CTSW: variants seen among roughly 807,000 people sequenced by gnomAD.
CTSW encodes lymphopain.
A neutral mutation model predicts 43.8 loss-of-function variants in CTSW; 42 were observed. The ratio of observed to expected loss-of-function variants is 0.96; its 90% CI spans 0.75 to 1.24. The LOEUF is 1.24. CTSW is among the 50% of genes most tolerant of loss of function. The pLI is 0.00. For missense variants in CTSW, 475 were observed against 479.9 expected, an observed-to-expected ratio of 0.99 and a Z score of 0.09; for synonymous variants, 191 against 184.8, an observed-to-expected ratio of 1.03 and a Z score of -0.27.
At position 65,882,441 on chromosome 11, in the gene CTSW, C is replaced by G; in HGVS notation, c.453C>G (p.Asn151Lys). ...ISPIKDQKNC[N>K]CCWAMAAAGN... Reference sequence around the variant, plus strand: ...CTCTCGCCCTCCAGAAAAACTGCAACTGCTGCTGGGCCATGGCAGCGGCAG... The same window carrying G: ...CTCTCGCCCTCCAGAAAAACTGCAAGTGCTGCTGGGCCATGGCAGCGGCAG... The change falls in exon 5 of 10, where the codon AAC becomes AAG. Residue 151 changes from asparagine (N) to lysine (K), a missense_variant. Physicochemically the swap from Asn to Lys is moderately conservative, Grantham distance 94 (BLOSUM62 0). Coordinates refer to ENST00000307886, the MANE Select transcript of CTSW (RefSeq NM_001335.4). 3.1e-6 allele frequency: 5 copies of G among 1,614,222 alleles called. No individual in the cohort carries two copies. The highest frequency in any genetic ancestry group is 3.4e-6 in the Non-Finnish European group (4 of 1,180,038).
intron 1 of CTSW, 52 bp downstream of exon 1, chr11:65,879,993 C>T: frequency 6.7e-7 from 1 of 1,483,842 alleles, no homozygotes; most frequent in Non-Finnish European, 9.3e-7. Flanking sequence ...GGGGTCACCC[C>T]TTCAGAAACA....
chr11:65,880,865 G>A (rs1229821865), intron 2 of CTSW, among the ~76,000 whole-genome samples: 2 of 152,166 alleles, frequency 1.3e-5, no homozygotes, highest in African/African-American at 4.8e-5. Context: ...AGTGGACAGG[G>A]GGCCACCACC....
chr11:65,881,613 C>A, intron 3 of CTSW, 93 bp downstream of exon 3: 2 of 818,434 alleles, frequency 2.4e-6, no homozygotes, highest in Non-Finnish European at 3.9e-6. Flanking sequence ...TCAATTTTTA[C>A]TTCCCAGGGA....
At chr11:65,882,720 C>A in intron 6 of CTSW, 31 bp downstream of exon 6, 9 of 1,614,232 alleles carry the variant, frequency 5.6e-6, no homozygotes, top group Non-Finnish European at 7.6e-6. Context: ...CTCTGGACAT[C>A]TGCAGGGGGA....
chr11:65,881,405 A>G lies in CTSW; in HGVS notation c.173-2A>G, dbSNP rs756238303. The G allele has an allele frequency of 7.5e-6, 12 of 1,590,308 alleles. 1 individual carries two copies. The South Asian group carries it at 1.4e-4, about 18-fold the overall frequency. Reference sequence around the variant, plus strand: ...GCCTAGGACAACTCCCTTTTGGTCCAGAGCATGCTCACCGCCTGGACATCT... The same window carrying G: ...GCCTAGGACAACTCCCTTTTGGTCCGGAGCATGCTCACCGCCTGGACATCT... On this transcript the variant is annotated splice_acceptor_variant, in intron 2 of 9. Coordinates refer to ENST00000307886, the MANE Select transcript of CTSW (RefSeq NM_001335.4). LOFTEE classifies it high-confidence loss of function.
chr11:65,880,219 G>A lies in CTSW; in HGVS notation c.105G>A (p.Pro35=), dbSNP rs559592357. The part of the protein sequence containing the change: ...PLRAQDLGPQ[P]LELKEAFKLF... ...CTTGCCAGGACCTAGGTCCCCAGCC[G>A]CTAGAGCTGAAAGAGGCCTTCAAGT... The change falls in exon 2 of 10, where the codon CCG becomes CCA. Residue 35 remains proline, a synonymous_variant. Coordinates refer to ENST00000307886, the MANE Select transcript of CTSW (RefSeq NM_001335.4). 1.1e-5 allele frequency: 18 copies of A among 1,614,026 alleles called. No individual in the cohort carries two copies. The highest frequency in any genetic ancestry group is 4.4e-5 in the South Asian group (4 of 91,064).
Position 65,882,357 on chromosome 11 carries a change from A to G in CTSW, c.441+28A>G, listed in dbSNP as rs755879940. On this transcript the variant is annotated intron_variant, in intron 4 of 9. Transcript: ENST00000307886. ...ATCTGCCGCTACCCAGCTGGCTCTAATTCAGCTAAGTGGTGGGAGGGAGAG... is the reference window on the plus strand; with the variant it reads ...ATCTGCCGCTACCCAGCTGGCTCTAGTTCAGCTAAGTGGTGGGAGGGAGAG... 5 of 1,613,968 alleles carry G rather than the reference A, an allele frequency of 3.1e-6. No homozygotes were observed. The East Asian group carries it at 8.9e-5, about 29-fold the overall frequency.
Position 65,882,863 on chromosome 11 carries a change from C to T in CTSW, c.704C>T (p.Ala235Val). ...CACCCCAAGAAGTACCAGAAGGTGG[C>T]CTGGATCCAGGACTTCATCATGCTG... is the stretch of plus-strand genomic sequence containing the variant. ...RCHPKKYQKV[A>V]WIQDFIMLQN... The change falls in exon 7 of 10, where the codon GCC becomes GTC. Residue 235 changes from alanine to valine, a missense_variant. Ala to Val is a moderately conservative substitution (Grantham distance 64). Transcript: ENST00000307886. The T allele has an allele frequency of 6.2e-7, 1 of 1,614,098 alleles. No individual in the cohort carries two copies. Among genetic ancestry groups the T allele is most frequent in the Non-Finnish European group, 8.5e-7 (1 of 1,180,034 alleles).
chr11:65,881,379 A>C (rs1407621704), intron 2 of CTSW, 28 bp from the exon 3 acceptor site: 3 of 1,501,284 alleles, frequency 2.0e-6, no homozygotes, highest in Non-Finnish European at 2.7e-6. Context: ...CTTGGGAGTC[A>C]GCCTAGGACA....
At position 65,883,337 on chromosome 11, in the gene CTSW, A is replaced by G. The variant is rs755059649; in HGVS notation, c.933A>G (p.Thr311=). The part of the protein sequence containing the change: ...VKSEEGIWAE[T]VSSQSQPQPP... The stretch of plus-strand genomic sequence containing the variant: ...CAGAGGAGGGGATATGGGCAGAGAC[A>G]GTCTCATCGCAGTCTCAGCCTCAGC... Residue 311 remains threonine (T), a synonymous_variant, in exon 9 of 10, where the codon ACA becomes ACG. Coordinates refer to ENST00000307886, the MANE Select transcript of CTSW (RefSeq NM_001335.4). 6 of 1,614,104 alleles carry G rather than the reference A, an allele frequency of 3.7e-6. No homozygotes were observed. Among genetic ancestry groups the G allele is most frequent in the Non-Finnish European group, 5.1e-6 (6 of 1,180,006 alleles).
Position 65,883,681 on chromosome 11 carries a change from C to G in CTSW, c.*63C>G. 6.7e-7 allele frequency: 1 copy of G among 1,483,178 alleles called. No homozygotes were observed. The highest frequency in any genetic ancestry group is 1.1e-5 in the South Asian group (1 of 88,276). The allele number at this position is 1,483,178 out of a possible 1,614,324, so 91.9% of individuals were successfully genotyped here. On this transcript the variant is annotated 3_prime_UTR_variant, in exon 10 of 10. Transcript: ENST00000307886. ...ACTGCCTCCTTGCCAGCCCCACCCC[C>G]AGGTTTTTGCCCATCCTCCCAATCT... is the stretch of plus-strand genomic sequence containing the variant.
chr11:65,881,571 C>A, intron 3 of CTSW, 51 bp downstream of exon 3: 1 of 1,287,642 alleles, frequency 7.8e-7, no homozygotes, highest in Non-Finnish European at 1.1e-6. Flanking sequence ...GCGATCTCCC[C>A]AGGGACACTG....
Position 65,881,480 on chromosome 11 carries a change from C to G in CTSW, c.246C>G (p.Gly82=). 6.2e-7 allele frequency: 1 copy of G among 1,611,442 alleles called. No homozygotes were observed. The highest frequency in any genetic ancestry group is 8.5e-7 in the Non-Finnish European group (1 of 1,178,624). Residue 82 remains glycine, a synonymous_variant, in exon 3 of 10, where the codon GGC becomes GGG. Transcript: ENST00000307886. ...AGAGGCTGCAGGAGGAGGACTTGGG[C>G]ACAGCTGAGTTTGGGGTGACTCCAT... ...QAQRLQEEDL[G]TAEFGVTPFS...
chr11:65,882,110 T>G, intron 3 of CTSW, 65 bp from the exon 4 acceptor site: 1 of 1,572,526 alleles, frequency 6.4e-7, no homozygotes, highest in Admixed American at 1.8e-5. Context: ...ACAGCTGGAG[T>G]GGGAGAGGCA....
rs1860120939 is a variant in CTSW, at chr11:65,882,429, G to C, written c.442-1G>C. On this transcript the variant is annotated splice_acceptor_variant, in intron 4 of 9. Transcript: ENST00000307886. LOFTEE classifies it high-confidence loss of function. ...CCCCGCCCCACCCTCTCGCCCTCCA[G>C]AAAAACTGCAACTGCTGCTGGGCCA... 1 of 1,614,058 alleles carries C rather than the reference G, an allele frequency of 6.2e-7. No individual in the cohort carries two copies. Among genetic ancestry groups the C allele is most frequent in the Non-Finnish European group, 8.5e-7 (1 of 1,180,038 alleles).
rs1178016357 is a variant in CTSW, at chr11:65,883,067, A to C, written c.746-2A>C. ...AGGGTCTGATGATGTTCCTGTCCCC[A>C]GGAATTGCGCAGTACCTGGCCACTT... On this transcript the variant is annotated splice_acceptor_variant, in intron 7 of 9. Transcript: ENST00000307886. LOFTEE classifies it high-confidence loss of function. 6.2e-7 allele frequency: 1 copy of C among 1,614,118 alleles called. No individual in the cohort carries two copies. The highest frequency in any genetic ancestry group is 1.7e-5 in the Admixed American group (1 of 60,020).
rs753899555 is a variant in CTSW, at chr11:65,882,220, G to T, written c.332G>T (p.Gly111Val). 5.6e-6 allele frequency: 9 copies of T among 1,614,172 alleles called. No individual in the cohort carries two copies. In the South Asian group the frequency reaches 9.9e-5, roughly 18 times the overall value. Reference protein sequence around the residue: ...QLYGYRRAAGGVPSMGREIRS... With the variant: ...QLYGYRRAAGVVPSMGREIRS... The stretch of plus-strand genomic sequence containing the variant: ...TATGGCTATCGGAGGGCAGCTGGAG[G>T]GGTCCCCAGCATGGGCAGAGAAATA... The change falls in exon 4 of 10, where the codon GGG becomes GTG. Residue 111 changes from glycine (G) to valine (V), a missense_variant. By Grantham distance (109) the Gly-to-Val change is moderately radical (BLOSUM62 -3). Coordinates refer to ENST00000307886, the MANE Select transcript of CTSW (RefSeq NM_001335.4).
Position 65,882,679 on chromosome 11 carries a change from C to T in CTSW, c.609C>T (p.Val203=). The change falls in exon 6 of 10, where the codon GTC becomes GTT. Residue 203 remains valine (V), a synonymous_variant. Coordinates refer to ENST00000307886, the MANE Select transcript of CTSW (RefSeq NM_001335.4). ...GGFVWDAFIT[V]LNNSGLASEK... ...TCGTCTGGGACGCGTTCATAACTGT[C>T]CTCAACAACAGTGAGTGCACTGCCC... The T allele has an allele frequency of 6.2e-7, 1 of 1,614,082 alleles. No homozygotes were observed. Among genetic ancestry groups the T allele is most frequent in the Non-Finnish European group, 8.5e-7 (1 of 1,180,022 alleles).
intron 4 of CTSW, 50 bp from the exon 5 acceptor site, chr11:65,882,380 G>T (rs1376311821): frequency 6.2e-7 from 1 of 1,613,748 alleles, no homozygotes. Flanking sequence ...GTGGGAGGGA[G>T]AGGGGCACGG....
Sources: gnomAD v4.1 joint callset for allele counts (sites outside exome capture counted in the v4.1 genomes callset) on GRCh38, gnomAD v4.1.1 for gene constraint, MANE v1.5 for transcripts, NCBI Gene and HGNC (gene_info 2026-07-23, HGNC 2026-07-21) for gene names.